Variants in RTCA observed in about 807,000 individuals in gnomAD.
RTCA encodes RNA terminal phosphate cyclase domain 1.
RTCA carries 37 observed loss-of-function variants against 46.1 expected under a neutral mutation model. The observed-to-expected ratio is 0.80, with a 90% CI of 0.62 to 1.06. The LOEUF is 1.06. Ranked by LOEUF, RTCA falls within the 50% of genes least tolerant of loss-of-function variation. The probability of loss-of-function intolerance (pLI) is 0.00; values close to 1 mark genes in which losing one functional copy is unlikely to be tolerated. For missense variants in RTCA, 435 were observed against 455.5 expected, an observed-to-expected ratio of 0.95 and a Z score of 0.41; for synonymous variants, 164 against 158.3, an observed-to-expected ratio of 1.04 and a Z score of -0.27.
intron 8 of RTCA, chr1:100,281,374 G>T: frequency 1.9e-6 from 1 of 516,626 alleles, no homozygotes. Flanking sequence ...CCCATGTCCT[G>T]TCATTATCAT....
At chr1:100,275,922 G>A (rs1410015637) in intron 7 of RTCA, among the ~76,000 whole-genome samples, 199 bp downstream of exon 7, 2 of 151,858 alleles carry the variant, frequency 1.3e-5, no homozygotes, top group African/African-American at 2.4e-5. Context: ...TGCAAGCTCC[G>A]CCTCCTGGGT....
chr1:100,268,115 G>C (rs1328379213), intron 2 of RTCA, 37 bp from the exon 3 acceptor site: 1 of 1,610,138 alleles, frequency 6.2e-7, no homozygotes. Context: ...TAGGCAGTCT[G>C]AATGCACACG....
At chr1:100,289,169 C>T (rs1667216150) in intron 10 of RTCA, among the ~76,000 whole-genome samples, 1 of 151,880 alleles carries the variant, frequency 6.6e-6, no homozygotes, top group Non-Finnish European at 1.5e-5. Flanking sequence ...TGCTCTGTTG[C>T]CCAGGCTAGA....
At chr1:100,286,484 CA>C (rs150553498) in intron 9 of RTCA, among the ~76,000 whole-genome samples, 2 of 116,688 alleles carry the variant, frequency 1.7e-5, no homozygotes, top group South Asian at 2.9e-4. Flanking sequence ...AAACGAAAAA[CA>C]AAAAAAACTT....
At chr1:100,269,422 C>T (rs1300075030) in intron 3 of RTCA, among the ~76,000 whole-genome samples, 2 of 145,152 alleles carry the variant, frequency 1.4e-5, no homozygotes, top group Non-Finnish European at 3.0e-5. Context: ...TCATGGCTCA[C>T]TGTAGCCTTG....
Position 100,270,570 on chromosome 1 carries a change from T to C in RTCA, c.304T>C (p.Leu102=). The change falls in exon 4 of 11, where the codon TTG becomes CTG. Residue 102 remains leucine (L), a synonymous_variant. Coordinates refer to ENST00000370128, the MANE Select transcript of RTCA (RefSeq NM_003729.4). ...CCTTCTCCTTAGGAGTGTGTGCCTC[T>C]TGATGCAGGTCTCAATGCCGTGTGT... ...DTKTAGSVCL[L]MQVSMPCVLF... 1 of 1,614,050 alleles carries C rather than the reference T, an allele frequency of 6.2e-7. No individual in the cohort carries two copies. Among genetic ancestry groups the C allele is most frequent in the South Asian group, 1.1e-5 (1 of 91,066 alleles).
chr1:100,278,815 C>T (rs1183013847), intron 8 of RTCA, among the ~76,000 whole-genome samples: 2 of 152,166 alleles, frequency 1.3e-5, no homozygotes, highest in African/African-American at 4.8e-5. Flanking sequence ...CTGTGCTATT[C>T]AAAATGTGGT....
chr1:100,283,629 C>T (rs1666844318), intron 8 of RTCA, among the ~76,000 whole-genome samples: 1 of 151,944 alleles, frequency 6.6e-6, no homozygotes, highest in Non-Finnish European at 1.5e-5. Flanking sequence ...AACTTTGCAG[C>T]ATAATTATTA....
intron 2 of RTCA, 66 bp from the exon 3 acceptor site, chr1:100,268,086 G>A: frequency 6.4e-7 from 1 of 1,570,836 alleles, no homozygotes; most frequent in African/African-American, 1.4e-5. Flanking sequence ...TTATAAATTT[G>A]TCATAAAATG....
chr1:100,266,248 C>T lies in RTCA; in HGVS notation c.-128C>T, dbSNP rs547600291. On this transcript the variant is annotated 5_prime_UTR_variant, in exon 1 of 11. Transcript: ENST00000370128. ...CGAGAGGCGCCGCTTCTTCCGCTTT[C>T]TCGTCAGGCTCCTGCGCCCCAGGCA... 4.0e-5 allele frequency: 45 copies of T among 1,115,302 alleles called. No homozygotes were observed. In the African/African-American group the frequency reaches 6.2e-4, roughly 15 times the overall value. 69.1% of individuals were successfully genotyped at this position (1,115,302 alleles called of 1,614,324 possible). A position where few individuals can be genotyped will look rare whatever the true frequency, so the allele number is the denominator to read the frequency against.
At chr1:100,290,602 C>A (rs1438961252) in intron 10 of RTCA, among the ~76,000 whole-genome samples, 1 of 152,078 alleles carries the variant, frequency 6.6e-6, no homozygotes, top group Non-Finnish European at 1.5e-5. Flanking sequence ...CCTGCCTATA[C>A]AACAGAATTA....
At position 100,291,781 on chromosome 1, in the gene RTCA, A is replaced by G. The variant is rs1465343989; in HGVS notation, c.*277A>G. 1 of 200,908 alleles carries G rather than the reference A, an allele frequency of 5.0e-6. No homozygotes were observed. The highest frequency in any genetic ancestry group is 2.3e-5 in the African/African-American group (1 of 43,190). The allele number at this position is 200,908 out of a possible 1,614,324, so 12.4% of individuals were successfully genotyped here. A position where few individuals can be genotyped will look rare whatever the true frequency, so the allele number is the denominator to read the frequency against. ...TATTCTTTACACCTGAAGTAAATAC[A>G]TTTTTCTTTTTTATGTAATTAATTA... On this transcript the variant is annotated 3_prime_UTR_variant, in exon 11 of 11. Transcript: ENST00000370128.
Position 100,275,581 on chromosome 1 carries a change from T to C in RTCA, c.616-18T>C, listed in dbSNP as rs993493161. The C allele has an allele frequency of 5.7e-6, 9 of 1,580,220 alleles. 1 individual carries two copies. The South Asian group carries it at 7.2e-5, about 13-fold the overall frequency. On this transcript the variant is annotated intron_variant, in intron 6 of 10. Transcript: ENST00000370128. ...ATCAGTAATTGTTTTATTCTATTTT[T>C]CTGTCTTGCTAAAATAGGTAGCAAA...
At chr1:100,287,858 A>G (rs1667118507) in intron 10 of RTCA, among the ~76,000 whole-genome samples, 1 of 148,742 alleles carries the variant, frequency 6.7e-6, no homozygotes, top group African/African-American at 2.5e-5. Flanking sequence ...CAATGGCATG[A>G]TCTCGGCTCA....
At chr1:100,267,495 C>T in intron 2 of RTCA, 1 of 1,533,020 alleles carries the variant, frequency 6.5e-7, no homozygotes, top group Non-Finnish European at 8.8e-7. Flanking sequence ...TTTATTTCCT[C>T]ACAGTTCTGG....
intron 2 of RTCA, chr1:100,267,488 A>G: frequency 6.5e-7 from 1 of 1,528,848 alleles, no homozygotes; most frequent in African/African-American, 1.4e-5. Context: ...ACAGAAATTT[A>G]TTTCCTCACA....
chr1:100,288,065 A>ATTAT (rs1227573441), intron 10 of RTCA, among the ~76,000 whole-genome samples: 2 of 152,114 alleles, frequency 1.3e-5, no homozygotes, highest in Non-Finnish European at 2.9e-5. Context: ...AAGTGTTGTG[A>ATTAT]TTATAGGTGT....
intron 6 of RTCA, 122 bp downstream of exon 6, chr1:100,275,087 T>G: frequency 9.5e-7 from 1 of 1,051,656 alleles, no homozygotes. Context: ...ATAATGTCCT[T>G]TGTGGCAATA....
chr1:100,275,807 C>T (rs979102123), intron 7 of RTCA, 84 bp downstream of exon 7: 7 of 1,209,490 alleles, frequency 5.8e-6, no homozygotes, highest in African/African-American at 1.6e-5. Context: ...GGGTTTCTTG[C>T]TTAAGTTTAT....
Sources: allele counts gnomAD v4.1 joint callset (sites outside exome capture counted in the v4.1 genomes callset), GRCh38; gene constraint gnomAD v4.1.1; transcripts MANE v1.5; gene names NCBI Gene and HGNC (gene_info 2026-07-23, HGNC 2026-07-21).